USP33: variants seen among roughly 807,000 people sequenced by gnomAD.
USP33 encodes the protein ubiquitin carboxyl-terminal hydrolase 33.
Under a neutral mutation model 124.2 loss-of-function variants are expected in USP33, and 46 were observed. The observed-to-expected ratio is 0.37, with a 90% CI of 0.29 to 0.47. The LOEUF (loss-of-function observed/expected upper bound fraction) is 0.47, where lower values mean the gene tolerates loss of function less well. Ranked by LOEUF, USP33 falls within the 20% of genes least tolerant of loss-of-function variation. USP33 has a pLI of 0.99. For synonymous variants in USP33, 350 were observed against 352.3 expected (o/e 0.99, Z 0.07); for missense variants, 851 against 1,070.6 (o/e 0.79, Z 2.86).
At chr1:77,726,627 C>T (rs902344035) in intron 10 of USP33, among the ~76,000 whole-genome samples, 2 of 139,302 alleles carry the variant, frequency 1.4e-5, no homozygotes, top group Non-Finnish European at 3.0e-5. Flanking sequence ...GCCTGGGTGA[C>T]AGAATGAGAC....
At chr1:77,699,396 T>C (rs1290255887) in intron 22 of USP33, among the ~76,000 whole-genome samples, 2 of 152,138 alleles carry the variant, frequency 1.3e-5, no homozygotes, top group Non-Finnish European at 2.9e-5. Flanking sequence ...CAGCGGCACC[T>C]GTAATCCCAG....
chr1:77,701,624 G>C, intron 21 of USP33, 153 bp from the exon 22 acceptor site: 1 of 584,696 alleles, frequency 1.7e-6, no homozygotes, highest in Non-Finnish European at 3.0e-6. Context: ...ACCAGTCTGG[G>C]CAACATCGTG....
intron 1 of USP33, among the ~76,000 whole-genome samples, chr1:77,743,315 T>TA (rs1172266611): frequency 6.6e-6 from 1 of 152,166 alleles, no homozygotes; most frequent in Non-Finnish European, 1.5e-5. Flanking sequence ...ACATTTTTTT[T>TA]ATTATACTTT....
At position 77,751,407 on chromosome 1, in the gene USP33, C is replaced by G. The variant is rs556094206; in HGVS notation, c.-52+8236G>C. Reference sequence around the variant, plus strand: ...GTGGCTCGCACCTGTAATCCCAGCACTTTAGGAGACTGAGGCGGGAGGACT... The same window carrying G: ...GTGGCTCGCACCTGTAATCCCAGCAGTTTAGGAGACTGAGGCGGGAGGACT... On this transcript the variant is annotated intron_variant, in intron 1 of 23. Coordinates refer to ENST00000370794, the MANE Select transcript of USP33 (RefSeq NM_201624.3). 5.3e-5 allele frequency among the ~76,000 whole-genome samples: 8 copies of G among 152,272 alleles called. No individual in the cohort carries two copies. In the South Asian group the frequency reaches 1.7e-3, roughly 32 times the overall value.
chr1:77,744,900 G>A (rs1310385013), intron 1 of USP33, among the ~76,000 whole-genome samples: 1 of 152,226 alleles, frequency 6.6e-6, no homozygotes, highest in East Asian at 1.9e-4. Context: ...TGTATATTCT[G>A]TTGATATGGT....
chr1:77,725,329 G>A (rs572091402), intron 11 of USP33, among the ~76,000 whole-genome samples: 1 of 152,242 alleles, frequency 6.6e-6, no homozygotes, highest in South Asian at 2.1e-4. Context: ...AATTCTTTGG[G>A]GTGTTAGAGC....
At chr1:77,719,582 G>A (rs375367531) in intron 15 of USP33, among the ~76,000 whole-genome samples, 3 of 152,236 alleles carry the variant, frequency 2.0e-5, no homozygotes, top group South Asian at 2.1e-4. Flanking sequence ...GCCAGGCACC[G>A]TGGCTCACGC....
At chr1:77,755,513 T>C (rs527913786) in intron 1 of USP33, among the ~76,000 whole-genome samples, 1 of 152,194 alleles carries the variant, frequency 6.6e-6, no homozygotes, top group African/African-American at 2.4e-5. Flanking sequence ...CTGGCCAACA[T>C]GGTGAAACCC....
chr1:77,717,175 A>T (rs1273745516), intron 17 of USP33, among the ~76,000 whole-genome samples: 1 of 151,816 alleles, frequency 6.6e-6, no homozygotes, highest in African/African-American at 2.4e-5. Context: ...AGAACACATA[A>T]TCTTAAAAAA....
At chr1:77,698,843 A>G (rs899442801) in intron 22 of USP33, among the ~76,000 whole-genome samples, 1 of 152,124 alleles carries the variant, frequency 6.6e-6, no homozygotes, top group Admixed American at 6.6e-5. Flanking sequence ...TACAAGTCAA[A>G]ATGTACCACT....
At chr1:77,727,461 A>G (rs115620232) in intron 10 of USP33, among the ~76,000 whole-genome samples, 1 of 152,356 alleles carries the variant, frequency 6.6e-6, no homozygotes. Context: ...CAAGATCAGT[A>G]TAATTAAGGA....
chr1:77,750,682 A>AAGAAAGAG (rs1557872945), intron 1 of USP33, among the ~76,000 whole-genome samples: 2 of 150,474 alleles, frequency 1.3e-5, no homozygotes, highest in East Asian at 1.9e-4. Context: ...GAAAGAAAGA[A>AAGAAAGAG]AGAAAAAGGA....
intron 15 of USP33, among the ~76,000 whole-genome samples, chr1:77,719,861 A>C (rs1239771905): frequency 6.6e-6 from 1 of 150,452 alleles, no homozygotes; most frequent in Non-Finnish European, 1.5e-5. Flanking sequence ...CTCAAGAAAA[A>C]AAAAAAAAAA....
rs1677707015 is a variant in USP33, at chr1:77,730,706, C to T, written c.550G>A (p.Asp184Asn). The change falls in exon 8 of 24, where the codon GAT becomes AAT. Residue 184 changes from aspartate (D) to asparagine (N), a missense_variant. This residue lies in a region of USP33 where 221 missense variants were observed against 302.9 expected (regional missense o/e 0.73). Transcript: ENST00000370794. ...NCPPLTQFFL[D>N]CGGLARTDKK... ...TCTGTTCGAGCTAGTCCTCCACAATCAAGAAAAAACTGTGTCAAAGGTGGG... is the reference window on the plus strand; with the variant it reads ...TCTGTTCGAGCTAGTCCTCCACAATTAAGAAAAAACTGTGTCAAAGGTGGG... 6.3e-7 allele frequency: 1 copy of T among 1,574,918 alleles called. No individual in the cohort carries two copies. The highest frequency in any genetic ancestry group is 1.4e-5 in the African/African-American group (1 of 73,484).
intron 21 of USP33, among the ~76,000 whole-genome samples, chr1:77,710,171 C>T (rs1218231938): frequency 1.3e-5 from 2 of 152,306 alleles, no homozygotes; most frequent in Non-Finnish European, 2.9e-5. Context: ...CCTTCTTATC[C>T]TGCCTGGGCT....
At chr1:77,735,627 A>G (rs2101516546) in intron 6 of USP33, among the ~76,000 whole-genome samples, 1 of 152,358 alleles carries the variant, frequency 6.6e-6, no homozygotes, top group East Asian at 1.9e-4. Context: ...GCCTAAAAGA[A>G]TATGAAAAAT....
intron 21 of USP33, among the ~76,000 whole-genome samples, chr1:77,703,824 G>A (rs913330809): frequency 6.6e-6 from 1 of 152,034 alleles, no homozygotes; most frequent in African/African-American, 2.4e-5. Flanking sequence ...ACCAGCCTGG[G>A]CAACATGGTT....
chr1:77,733,249 T>C (rs1678050333), intron 7 of USP33, among the ~76,000 whole-genome samples: 1 of 152,036 alleles, frequency 6.6e-6, no homozygotes, highest in Non-Finnish European at 1.5e-5. Context: ...TAAAAATTAG[T>C]CAGGTTTGGT....
rs1486283847 is a variant in USP33, at chr1:77,741,414, A to C, written c.97T>G (p.Cys33Gly). Reference protein sequence around the residue: ...IQKSLGTCQDCKVQGPNLWAC... With the variant: ...IQKSLGTCQDGKVQGPNLWAC... ...CAAAGATTTGGTCCTTGGACTTTACAATCCTGACAAGTACCCTATAAAAAG... is the reference window on the plus strand; with the variant it reads ...CAAAGATTTGGTCCTTGGACTTTACCATCCTGACAAGTACCCTATAAAAAG... Residue 33 changes from cysteine to glycine, a missense_variant, in exon 3 of 24, where the codon TGT becomes GGT. By Grantham distance (159) the Cys-to-Gly change is radical. Transcript: ENST00000370794. 6.2e-7 allele frequency: 1 copy of C among 1,609,850 alleles called. No individual in the cohort carries two copies. The highest frequency in any genetic ancestry group is 8.5e-7 in the Non-Finnish European group (1 of 1,178,966).
Sources: allele counts gnomAD v4.1 joint callset (sites outside exome capture counted in the v4.1 genomes callset), GRCh38; gene constraint gnomAD v4.1.1; regional missense constraint gnomAD v4.1.1; transcripts MANE v1.5; gene names NCBI Gene and HGNC (gene_info 2026-07-23, HGNC 2026-07-21).